Variants in GRIN2A observed in about 807,000 individuals in gnomAD.
GRIN2A encodes glutamate ionotropic receptor NMDA type subunit 2A.
GRIN2A carries 22 observed loss-of-function variants against 113.4 expected under a neutral mutation model. The ratio of observed to expected loss-of-function variants is 0.19; its 90% CI spans 0.14 to 0.28. GRIN2A has a LOEUF of 0.28. GRIN2A is among the 10% of genes least tolerant of loss of function. The pLI is 1.00. For synonymous variants in GRIN2A, 827 were observed against 738.4 expected (o/e 1.12, Z -1.94); for missense variants, 1,502 against 1,887.0 (o/e 0.80, Z 3.78).
intron 2 of GRIN2A, among the ~76,000 whole-genome samples, chr16:10,019,393 G>C (rs755544063): frequency 6.6e-6 from 1 of 152,204 alleles, no homozygotes; most frequent in Non-Finnish European, 1.5e-5. Context: ...GCATACAGCA[G>C]AGGCACAATA....
intron 11 of GRIN2A, among the ~76,000 whole-genome samples, chr16:9,792,421 G>T (rs1029815385): frequency 1.3e-5 from 2 of 151,970 alleles, no homozygotes; most frequent in African/African-American, 2.4e-5. Context: ...ATGGGTTTTT[G>T]CTATGTTGCC....
intron 2 of GRIN2A, among the ~76,000 whole-genome samples, chr16:9,975,192 T>A (rs1405015869): frequency 6.6e-6 from 1 of 152,028 alleles, no homozygotes; most frequent in Non-Finnish European, 1.5e-5. Flanking sequence ...ACTCTAAAAA[T>A]CCATAAAAAG....
chr16:10,177,047 G>A (rs2050163183), intron 2 of GRIN2A, among the ~76,000 whole-genome samples: 1 of 152,104 alleles, frequency 6.6e-6, no homozygotes, highest in Admixed American at 6.5e-5. Flanking sequence ...GTCAATCTAG[G>A]AAGGTTGAGG....
chr16:10,132,340 CAAAAAA>C (rs71402435), intron 2 of GRIN2A, among the ~76,000 whole-genome samples: 1 of 61,630 alleles, frequency 1.6e-5, no homozygotes. Flanking sequence ...GACACCGTCT[CAAAAAA>C]AAAAAAAAAA....
intron 2 of GRIN2A, among the ~76,000 whole-genome samples, chr16:10,160,060 A>G (rs1250480970): frequency 6.6e-6 from 1 of 152,224 alleles, no homozygotes; most frequent in Non-Finnish European, 1.5e-5. Flanking sequence ...TGGTGCAGGG[A>G]ACCTGATTTC....
intron 2 of GRIN2A, among the ~76,000 whole-genome samples, chr16:10,159,101 GCTT>G (rs1322187622): frequency 1.3e-5 from 2 of 152,226 alleles, no homozygotes; most frequent in Middle Eastern, 3.4e-3. Context: ...CCAAAAATAA[GCTT>G]CTGTGATTCC....
chr16:9,775,809 G>A (rs1328637002), intron 11 of GRIN2A, among the ~76,000 whole-genome samples: 1 of 152,194 alleles, frequency 6.6e-6, no homozygotes, highest in Non-Finnish European at 1.5e-5. Context: ...CTCCAGTCAT[G>A]GCCCCCTGAT....
chr16:9,782,523 A>C (rs1417662537), intron 11 of GRIN2A, among the ~76,000 whole-genome samples: 1 of 152,232 alleles, frequency 6.6e-6, no homozygotes, highest in Admixed American at 6.5e-5. Flanking sequence ...TAAATTTTGC[A>C]CGAGCCTATG....
chr16:9,888,207 T>C (rs1249889934), intron 4 of GRIN2A, among the ~76,000 whole-genome samples: 2 of 152,114 alleles, frequency 1.3e-5, no homozygotes, highest in African/African-American at 4.8e-5. Context: ...TCCCAAAGTG[T>C]TGGAATTACA....
At chr16:9,843,711 G>T (rs935753050) in intron 5 of GRIN2A, among the ~76,000 whole-genome samples, 2 of 152,032 alleles carry the variant, frequency 1.3e-5, no homozygotes, top group Non-Finnish European at 2.9e-5. Context: ...GAGGCTGGAT[G>T]ACCTGCTGTC....
chr16:10,130,190 C>A (rs1301212295), intron 2 of GRIN2A, among the ~76,000 whole-genome samples: 2 of 152,186 alleles, frequency 1.3e-5, no homozygotes, highest in Non-Finnish European at 2.9e-5. Context: ...TAGAGGCAGA[C>A]TTGGAACGCT....
chr16:10,066,923 C>T (rs758754395), intron 2 of GRIN2A, among the ~76,000 whole-genome samples: 4 of 152,162 alleles, frequency 2.6e-5, no homozygotes, highest in Non-Finnish European at 4.4e-5. Flanking sequence ...AATGTAAATA[C>T]ATACAATTAA....
In GRIN2A at chr16:10,182,387, C is replaced by A. The variant is rs1430601423; in HGVS notation, c.-529G>T. On this transcript the variant is annotated 5_prime_UTR_variant, in exon 1 of 13. Transcript: ENST00000330684. ...CCAGCGCCGGCTGCTGGGAGTTGTG[C>A]GACCGGGAGCTGCTGAGCGAGGGAG... is the stretch of plus-strand genomic sequence containing the variant. The A allele has an allele frequency of 2.0e-5, 3 of 152,162 alleles. No homozygotes were observed. Among genetic ancestry groups the A allele is most frequent in the Admixed American group, 6.5e-5 (1 of 15,274 alleles). The allele number at this position is 152,162 out of a possible 1,614,324, so 9.4% of individuals were successfully genotyped here. A position where few individuals can be genotyped will look rare whatever the true frequency, so the allele number is the denominator to read the frequency against.
intron 2 of GRIN2A, among the ~76,000 whole-genome samples, chr16:9,981,632 C>T (rs1440227541): frequency 1.3e-5 from 2 of 152,108 alleles, no homozygotes; most frequent in African/African-American, 2.4e-5. Flanking sequence ...AATATCATCA[C>T]AATACCATCA....
At chr16:9,990,020 T>C (rs1038163770) in intron 2 of GRIN2A, among the ~76,000 whole-genome samples, 4 of 152,138 alleles carry the variant, frequency 2.6e-5, no homozygotes, top group African/African-American at 9.7e-5. Context: ...TACCCAGCAA[T>C]CCCATCACTG....
At chr16:9,967,704 T>A (rs1266554157) in intron 2 of GRIN2A, among the ~76,000 whole-genome samples, 1 of 151,332 alleles carries the variant, frequency 6.6e-6, no homozygotes, top group Admixed American at 6.6e-5. Flanking sequence ...AGACTCCATC[T>A]CAAAAAAAAA....
intron 2 of GRIN2A, among the ~76,000 whole-genome samples, chr16:10,165,045 C>T (rs1248739314): frequency 6.6e-6 from 1 of 152,100 alleles, no homozygotes; most frequent in African/African-American, 2.4e-5. Context: ...TTTTAAAATT[C>T]TTTAATTTCA....
Position 9,756,546 on chromosome 16 carries a change from G to A in GRIN2A, c.*6603C>T, listed in dbSNP as rs1456671473. ...AGGAGACCAGGCACTTTGAAAATATGTCTAACGTTAGGGATTTACTAGCTA... is the reference window on the plus strand; with the variant it reads ...AGGAGACCAGGCACTTTGAAAATATATCTAACGTTAGGGATTTACTAGCTA... On this transcript the variant is annotated 3_prime_UTR_variant, in exon 13 of 13. Coordinates refer to ENST00000330684, the MANE Select transcript of GRIN2A (RefSeq NM_001134407.3). The A allele has an allele frequency of 4.8e-6, 1 of 209,914 alleles. No individual in the cohort carries two copies. The highest frequency in any genetic ancestry group is 7.1e-5 in the East Asian group (1 of 14,138). The allele number at this position is 209,914 out of a possible 1,614,324, so 13.0% of individuals were successfully genotyped here.
chr16:10,134,004 G>A (rs921930717), intron 2 of GRIN2A, among the ~76,000 whole-genome samples: 1 of 151,720 alleles, frequency 6.6e-6, no homozygotes, highest in Non-Finnish European at 1.5e-5. Context: ...ACAACGTGGT[G>A]AAACCCCACC....
Sources: gnomAD v4.1 joint callset for allele counts (sites outside exome capture counted in the v4.1 genomes callset) on GRCh38, gnomAD v4.1.1 for gene constraint, MANE v1.5 for transcripts, NCBI Gene and HGNC (gene_info 2026-07-23, HGNC 2026-07-21) for gene names.